Variants in RAB23 observed in about 807,000 individuals in gnomAD.
The protein encoded by RAB23 is ras-related protein Rab-23.
In RAB23, 15 loss-of-function variants were observed where a neutral mutation model predicts 30.0. The observed-to-expected ratio is 0.50, with a 90% CI of 0.33 to 0.77. The LOEUF (loss-of-function observed/expected upper bound fraction) is 0.77. Ranked by LOEUF, RAB23 falls within the 30% of genes least tolerant of loss-of-function variation. RAB23 has a pLI of 0.02. For missense variants in RAB23, 243 were observed against 275.4 expected (o/e 0.88, Z 0.83); for synonymous variants, 93 against 94.0 (o/e 0.99, Z 0.06).
In RAB23 at chr6:57,196,520, C is replaced by T. The variant is rs1253324172; in HGVS notation, c.328G>A (p.Glu110Lys). 8.1e-6 allele frequency: 13 copies of T among 1,613,886 alleles called. No individual in the cohort carries two copies. Among genetic ancestry groups the T allele is most frequent in the African/African-American group, 5.3e-5 (4 of 74,910 alleles). The change falls in exon 4 of 7, where the codon GAA becomes AAA. Residue 110 changes from glutamate (E) to lysine (K), a missense_variant. Glu to Lys is a moderately conservative substitution (Grantham distance 56). Coordinates refer to ENST00000468148, the MANE Select transcript of RAB23 (RefSeq NM_016277.5). ...AGTACAGTTGGTATATCTCCCACTT[C>T]GGCTACTACTTTCTCTCTCCAACTG... The part of the protein sequence containing the change: ...VSSWREKVVA[E>K]VGDIPTVLVQ...
chr6:57,193,893 GT>G lies in RAB23; in HGVS notation c.522del (p.Lys174AsnfsTer4). ...AGTTCTGGATCCTCAGCTATTTGTT[GT>G]TTGAGTTTCTGAAGGTATTTTTCAG... ...YLAEKYLQKL[K>X]QQIAEDPELT... is the part of the protein sequence containing the mutation. On this transcript the variant is annotated frameshift_variant, in exon 6 of 7. Transcript: ENST00000468148. LOFTEE classifies it high-confidence loss of function. 6.2e-7 allele frequency: 1 copy of G among 1,612,814 alleles called. No individual in the cohort carries two copies. Among genetic ancestry groups the G allele is most frequent in the Non-Finnish European group, 8.5e-7 (1 of 1,179,276 alleles).
chr6:57,199,944 TG>T (rs1449622516), intron 3 of RAB23, among the ~76,000 whole-genome samples: 7 of 152,318 alleles, frequency 4.6e-5, no homozygotes, highest in African/African-American at 1.7e-4. Context: ...TGATTCATCA[TG>T]GTTCTTTTAT....
At chr6:57,196,166 A>T (rs1765016854) in intron 4 of RAB23, among the ~76,000 whole-genome samples, 1 of 152,198 alleles carries the variant, frequency 6.6e-6, no homozygotes, top group Admixed American at 6.5e-5. Context: ...CTTAACATGA[A>T]GAATTAGATT....
chr6:57,215,978 C>A (rs781342054), intron 1 of RAB23, among the ~76,000 whole-genome samples: 4 of 152,166 alleles, frequency 2.6e-5, no homozygotes, highest in Non-Finnish European at 4.4e-5. Context: ...CAGTCATGCA[C>A]CACATAACAA....
At chr6:57,199,294 C>T (rs1765147386) in intron 3 of RAB23, among the ~76,000 whole-genome samples, 1 of 152,204 alleles carries the variant, frequency 6.6e-6, no homozygotes, top group Non-Finnish European at 1.5e-5. Context: ...CTTTGGTGGG[C>T]TCCTGAGGCC....
Position 57,210,397 on chromosome 6 carries a change from GT to G in RAB23, c.-18del. On this transcript the variant is annotated 5_prime_UTR_variant, in exon 2 of 7. Coordinates refer to ENST00000468148, the MANE Select transcript of RAB23 (RefSeq NM_016277.5). ...CTCCAACATTTTTGGAGCTGAAATGGTTTCTGTACCAACTCTAATTCTAGGA... is the reference window on the plus strand; with the variant it reads ...CTCCAACATTTTTGGAGCTGAAATGGTTCTGTACCAACTCTAATTCTAGGA... 6.2e-7 allele frequency: 1 copy of G among 1,612,806 alleles called. No homozygotes were observed. Among genetic ancestry groups the G allele is most frequent in the Non-Finnish European group, 8.5e-7 (1 of 1,179,060 alleles).
intron 1 of RAB23, among the ~76,000 whole-genome samples, chr6:57,213,239 G>T (rs1420309965): frequency 1.3e-5 from 2 of 152,188 alleles, no homozygotes; most frequent in Non-Finnish European, 2.9e-5. Context: ...AATGCTCGCA[G>T]CCACTCACCT....
At position 57,190,408 on chromosome 6, in the gene RAB23, G is replaced by A; in HGVS notation, c.*53C>T. The A allele has an allele frequency of 6.3e-7, 1 of 1,594,992 alleles. No individual in the cohort carries two copies. The highest frequency in any genetic ancestry group is 1.3e-5 in the African/African-American group (1 of 74,592). On this transcript the variant is annotated 3_prime_UTR_variant, in exon 7 of 7. Coordinates refer to ENST00000468148, the MANE Select transcript of RAB23 (RefSeq NM_016277.5). ...TGTAACATACCATGACAGCTGGATG[G>A]GTTTCTTAATGCATTGCACAATGTA...
At chr6:57,214,218 G>T (rs746759240) in intron 1 of RAB23, among the ~76,000 whole-genome samples, 3 of 152,218 alleles carry the variant, frequency 2.0e-5, no homozygotes, top group Non-Finnish European at 1.5e-5. Flanking sequence ...ACTCTTTGCA[G>T]TGTCAGTGGG....
intron 1 of RAB23, among the ~76,000 whole-genome samples, chr6:57,218,080 A>G (rs2128008271): frequency 6.6e-6 from 1 of 152,344 alleles, no homozygotes; most frequent in South Asian, 2.1e-4. Flanking sequence ...TTGAATTTGT[A>G]ATGTAAAAAC....
In RAB23 at chr6:57,188,087, T is replaced by C. The variant is rs966046993; in HGVS notation, c.*2374A>G. 6.6e-6 allele frequency: 1 copy of C among 152,164 alleles called. No individual in the cohort carries two copies. The highest frequency in any genetic ancestry group is 1.5e-5 in the Non-Finnish European group (1 of 68,012). The allele number at this position is 152,164 out of a possible 1,614,324, so 9.4% of individuals were successfully genotyped here. ...TAGCCGTAATGTTAAAAAAGTAGAT[T>C]AGAGCACAAATGCACAATCACCTGG... On this transcript the variant is annotated 3_prime_UTR_variant, in exon 7 of 7. Transcript: ENST00000468148.
Position 57,193,841 on chromosome 6 carries a change from C to T in RAB23, c.574+1G>A. The stretch of plus-strand genomic sequence containing the variant: ...TGGGCTAAAATTTCCTATGTACTTA[C>T]CAATCTTGTTACTACTTGAATGCGT... On this transcript the variant is annotated splice_donor_variant, in intron 6 of 6. Coordinates refer to ENST00000468148, the MANE Select transcript of RAB23 (RefSeq NM_016277.5). LOFTEE classifies it high-confidence loss of function. The T allele has an allele frequency of 6.2e-7, 1 of 1,612,534 alleles. No homozygotes were observed. The highest frequency in any genetic ancestry group is 1.7e-4 in the Middle Eastern group (1 of 6,048).
At chr6:57,206,822 C>T (rs906243125) in intron 3 of RAB23, among the ~76,000 whole-genome samples, 1 of 152,190 alleles carries the variant, frequency 6.6e-6, no homozygotes, top group African/African-American at 2.4e-5. Context: ...AAAAGAGGGA[C>T]ATCATAGAAG....
At chr6:57,192,746 TGGAG>T (rs1404489595) in intron 6 of RAB23, among the ~76,000 whole-genome samples, 1 of 151,970 alleles carries the variant, frequency 6.6e-6, no homozygotes, top group Admixed American at 6.6e-5. Flanking sequence ...AAAAAGAGTA[TGGAG>T]GATGTGTCTT....
intron 1 of RAB23, among the ~76,000 whole-genome samples, chr6:57,213,501 C>A (rs2128005794): frequency 6.6e-6 from 1 of 152,280 alleles, no homozygotes; most frequent in East Asian, 1.9e-4. Context: ...CTAAACAATT[C>A]TTCACCCAAG....
At position 57,187,037 on chromosome 6, in the gene RAB23, C is replaced by T. The variant is rs1174404094; in HGVS notation, c.*3424G>A. ...TATTTTCTGATTATTGGAATTCATC[C>T]TTCATGAAATTTTTAGAGTAGTGTT... On this transcript the variant is annotated 3_prime_UTR_variant, in exon 7 of 7. Coordinates refer to ENST00000468148, the MANE Select transcript of RAB23 (RefSeq NM_016277.5). 6.6e-6 allele frequency: 1 copy of T among 152,098 alleles called. No individual in the cohort carries two copies. Among genetic ancestry groups the T allele is most frequent in the African/African-American group, 2.4e-5 (1 of 41,428 alleles). 9.4% of individuals were successfully genotyped at this position (152,098 alleles called of 1,614,324 possible).
At chr6:57,190,626 A>G (rs1443339271) in intron 6 of RAB23, 26 bp from the exon 7 acceptor site, 1 of 1,613,056 alleles carries the variant, frequency 6.2e-7, no homozygotes, top group Non-Finnish European at 8.5e-7. Context: ...GAAAAGAGTG[A>G]TTGCCACTGA....
At chr6:57,200,037 C>T (rs1765184695) in intron 3 of RAB23, among the ~76,000 whole-genome samples, 1 of 151,916 alleles carries the variant, frequency 6.6e-6, no homozygotes, top group South Asian at 2.1e-4. Flanking sequence ...TACCCTCCAC[C>T]CTTTTTTAAA....
intron 2 of RAB23, among the ~76,000 whole-genome samples, chr6:57,209,164 T>A (rs773735067): frequency 2.0e-5 from 3 of 152,194 alleles, no homozygotes; most frequent in Non-Finnish European, 4.4e-5. Context: ...TATGAGGTAC[T>A]GAAACAAGAA....
Sources: gnomAD v4.1 joint callset for allele counts (sites outside exome capture counted in the v4.1 genomes callset) on GRCh38, gnomAD v4.1.1 for gene constraint, MANE v1.5 for transcripts, NCBI Gene and HGNC (gene_info 2026-07-23, HGNC 2026-07-21) for gene names.